Variants in OLAH observed in about 807,000 individuals in gnomAD.
The protein encoded by OLAH is S-acyl fatty acid synthase thioesterase, medium chain.
In OLAH, 33 loss-of-function variants were observed where a neutral mutation model predicts 27.8. The ratio of observed to expected loss-of-function variants is 1.19; its 90% CI spans 0.90 to 1.59. The LOEUF (loss-of-function observed/expected upper bound fraction) is 1.59. OLAH is among the 40% of genes most tolerant of loss of function. The pLI, the probability that OLAH is intolerant of heterozygous loss-of-function variation, is 0.00. For missense variants in OLAH, 359 were observed against 310.8 expected, an observed-to-expected ratio of 1.16 and a Z score of -1.17; for synonymous variants, 120 against 102.9, an observed-to-expected ratio of 1.17 and a Z score of -1.01.
At chr10:15,061,204 C>T (rs1227975241) in intron 3 of OLAH, among the ~76,000 whole-genome samples, 1 of 152,092 alleles carries the variant, frequency 6.6e-6, no homozygotes, top group Non-Finnish European at 1.5e-5. Flanking sequence ...AGAGCCAAGG[C>T]AAAATCAGAA....
At chr10:15,034,876 A>C (rs893812488) in intron 1 of OLAH, among the ~76,000 whole-genome samples, 2 of 143,118 alleles carry the variant, frequency 1.4e-5, no homozygotes, top group Non-Finnish European at 3.0e-5. Context: ...ATCTCGGCTC[A>C]CTGCAACCTT....
At chr10:15,051,247 C>T (rs7072935) in intron 3 of OLAH, among the ~76,000 whole-genome samples, 112,225 of 151,828 alleles carry the variant, frequency 0.74, 42,486 homozygotes, top group East Asian at 0.92. Context: ...AGCTAATTTT[C>T]GTATTTTTAG....
chr10:15,037,524 T>G (rs1589234273), intron 1 of OLAH, among the ~76,000 whole-genome samples: 2 of 150,710 alleles, frequency 1.3e-5, no homozygotes, highest in Admixed American at 1.3e-4. Context: ...GAGGTTGCGG[T>G]GAGCCAAGAT....
At chr10:15,048,791 A>G (rs985559328) in intron 2 of OLAH, among the ~76,000 whole-genome samples, 4 of 152,138 alleles carry the variant, frequency 2.6e-5, no homozygotes, top group Non-Finnish European at 5.9e-5. Flanking sequence ...TACATCCCTG[A>G]AAGTTTATTT....
At chr10:15,054,909 T>A (rs1844217499) in intron 3 of OLAH, among the ~76,000 whole-genome samples, 1 of 152,182 alleles carries the variant, frequency 6.6e-6, no homozygotes, top group South Asian at 2.1e-4. Context: ...CTGGTTTAAT[T>A]TCATCCAAGT....
At chr10:15,071,477 C>T (rs1289240131) in intron 6 of OLAH, 4 of 970,016 alleles carry the variant, frequency 4.1e-6, no homozygotes, top group Non-Finnish European at 4.9e-6. Flanking sequence ...CTAAGAGTTA[C>T]TAAAGAGGTC....
rs1844294587 is a variant in OLAH, at chr10:15,058,718, T to C, written c.164-3006T>C. On this transcript the variant is annotated intron_variant, in intron 3 of 7. Transcript: ENST00000378228. ...CCAGATTTTCATCTGACATTATTTT[T>C]ATTCTGCCTGAAGAAGTTCCTTTAA... 2.0e-5 allele frequency among the ~76,000 whole-genome samples: 3 copies of C among 152,242 alleles called. No individual in the cohort carries two copies. The South Asian group carries it at 6.2e-4, about 31-fold the overall frequency.
chr10:15,071,736 GAA>G (rs1844590404), intron 6 of OLAH, 57 bp from the exon 7 acceptor site: 2 of 1,511,450 alleles, frequency 1.3e-6, no homozygotes, highest in Non-Finnish European at 1.8e-6. Flanking sequence ...TTAGGAACAG[GAA>G]AAGATTCTGG....
rs142100704 is a variant in OLAH at position 15,033,426 on chromosome 10, G to C, written c.-164+1076G>C. The stretch of plus-strand genomic sequence containing the variant: ...ATATATAGTAAGAGAGTGCAAGGGA[G>C]GGATTGGATAGGCAGAGAAACAGAA... On this transcript the variant is annotated intron_variant, in intron 1 of 3. Transcript: ENST00000413672. 5.4e-3 allele frequency among the ~76,000 whole-genome samples: 828 copies of C among 152,032 alleles called. 13 individuals carry two copies. Among genetic ancestry groups the C allele is most frequent in the African/African-American group, 0.019 (800 of 41,450 alleles).
At chr10:15,046,083 C>T (rs1405061518) in intron 1 of OLAH, among the ~76,000 whole-genome samples, 3 of 151,190 alleles carry the variant, frequency 2.0e-5, no homozygotes, top group East Asian at 4.0e-4. Flanking sequence ...TGGTGGCTCA[C>T]GCCTATAATC....
At chr10:15,038,349 G>C (rs1166561395) in intron 1 of OLAH, among the ~76,000 whole-genome samples, 1 of 152,162 alleles carries the variant, frequency 6.6e-6, no homozygotes, top group African/African-American at 2.4e-5. Flanking sequence ...CTGTTAGGAA[G>C]GCATGATTGG....
chr10:15,058,863 T>C (rs1564531373), intron 3 of OLAH, among the ~76,000 whole-genome samples: 1 of 152,040 alleles, frequency 6.6e-6, no homozygotes, highest in African/African-American at 2.4e-5. Context: ...AGGGTGACAG[T>C]TGTTCCCTCC....
At chr10:15,071,607 A>T (rs770281857) in intron 6 of OLAH, 188 bp from the exon 7 acceptor site, 9 of 985,308 alleles carry the variant, frequency 9.1e-6, no homozygotes, top group Non-Finnish European at 9.6e-6. Context: ...ATTGGAAATT[A>T]GTCTCCACAC....
chr10:15,038,470 C>A lies in OLAH; in HGVS notation c.-164+6120C>A, dbSNP rs140461342. 2.4e-3 allele frequency among the ~76,000 whole-genome samples: 366 copies of A among 152,222 alleles called. 1 individual carries two copies. The highest frequency in any genetic ancestry group is 2.9e-3 in the Non-Finnish European group (198 of 68,020). On this transcript the variant is annotated intron_variant, in intron 1 of 3. Coordinates refer to the OLAH transcript ENST00000413672. ...ACTCCCACAATTCCCACGTGTTATG[C>A]GAGAAACCCAGTGAGAGGTGGTTGA...
intron 2 of OLAH, among the ~76,000 whole-genome samples, chr10:15,048,178 G>T (rs2131343358): frequency 6.6e-6 from 1 of 152,280 alleles, no homozygotes; most frequent in East Asian, 1.9e-4. Context: ...TTGGGTACTT[G>T]GATCTTGGGA....
intron 1 of OLAH, among the ~76,000 whole-genome samples, chr10:15,034,997 T>G (rs1341821881): frequency 6.6e-6 from 1 of 152,060 alleles, no homozygotes; most frequent in Non-Finnish European, 1.5e-5. Flanking sequence ...AGACAGGGTT[T>G]CGCCATGTTG....
At chr10:15,033,703 G>A (rs564442823) in intron 1 of OLAH, among the ~76,000 whole-genome samples, 3 of 152,154 alleles carry the variant, frequency 2.0e-5, no homozygotes, top group African/African-American at 7.2e-5. Flanking sequence ...CTTTGAACGT[G>A]CGTCCTCCAG....
At chr10:15,034,904 C>T (rs531952677) in intron 1 of OLAH, among the ~76,000 whole-genome samples, 12 of 150,910 alleles carry the variant, frequency 8.0e-5, no homozygotes, top group African/African-American at 2.4e-4. Context: ...CGGGTTCAAG[C>T]GATTCTCCTG....
chr10:15,038,106 G>A (rs1008772417), intron 1 of OLAH, among the ~76,000 whole-genome samples: 3 of 152,328 alleles, frequency 2.0e-5, no homozygotes, highest in Non-Finnish European at 2.9e-5. Context: ...AGATTTGACC[G>A]CCCTGTTGGA....
Sources: allele counts gnomAD v4.1 joint callset (sites outside exome capture counted in the v4.1 genomes callset), GRCh38; gene constraint gnomAD v4.1.1; transcripts MANE v1.5; gene names NCBI Gene and HGNC (gene_info 2026-07-23, HGNC 2026-07-21).